The following KAT7 variants were observed in gnomAD, a reference collection of about 807,000 sequenced individuals.
KAT7 encodes the protein histone acetyltransferase KAT7.
A neutral mutation model predicts 82.1 loss-of-function variants in KAT7; 10 were observed. The ratio of observed to expected loss-of-function variants is 0.12; its 90% CI spans 0.08 to 0.21. KAT7 has a LOEUF of 0.21. Among genes scored for constraint, KAT7 ranks in the 10% least tolerant of loss-of-function variants. The probability of loss-of-function intolerance (pLI) is 1.00; values close to 1 mark genes in which losing one functional copy is unlikely to be tolerated. For synonymous variants in KAT7, 250 were observed against 262.5 expected (o/e 0.95, Z 0.46); for missense variants, 378 against 760.9 (o/e 0.50, Z 5.92).
At chr17:49,808,631 T>A (rs569823906) in intron 5 of KAT7, among the ~76,000 whole-genome samples, 1 of 151,826 alleles carries the variant, frequency 6.6e-6, no homozygotes. Context: ...TTTGTATTTT[T>A]AATAGAGACG....
intron 12 of KAT7, chr17:49,823,525 G>A (rs2074331529): frequency 4.5e-6 from 2 of 440,138 alleles, no homozygotes; most frequent in Non-Finnish European, 8.2e-6. Flanking sequence ...TACAGAGGAT[G>A]ATAAAGTAAG....
At chr17:49,798,659 C>A in intron 4 of KAT7, 101 bp downstream of exon 4, 1 of 1,259,184 alleles carries the variant, frequency 7.9e-7, no homozygotes, top group Non-Finnish European at 1.1e-6. Context: ...GCTTCTTAGG[C>A]TCTTCAGTGG....
chr17:49,821,325 A>G lies in KAT7; in HGVS notation c.1156-12A>G, dbSNP rs375868103. On this transcript the variant is annotated splice_polypyrimidine_tract_variant and intron_variant, in intron 9 of 14. Coordinates refer to ENST00000259021, the MANE Select transcript of KAT7 (RefSeq NM_007067.5). The stretch of plus-strand genomic sequence containing the variant: ...GCTTTGGTTCCCTGATGTGAATTTC[A>G]TTGTCTTGCAGGCCAAATGTGTGTG... The G allele has an allele frequency of 1.1e-5, 17 of 1,605,822 alleles. No individual in the cohort carries two copies. Among genetic ancestry groups the G allele is most frequent in the Non-Finnish European group, 1.4e-5 (16 of 1,174,252 alleles).
Position 49,834,615 on chromosome 17 carries a change from A to G in KAT7, c.*7113A>G, listed in dbSNP as rs1158824477. ...CTTACACATAACCTCAACGTGCAAC[A>G]GGATTAGTCTATTATTCCCTTTCTT... On this transcript the variant is annotated 3_prime_UTR_variant, in exon 15 of 15. Coordinates refer to ENST00000259021, the MANE Select transcript of KAT7 (RefSeq NM_007067.5). 1 of 152,266 alleles carries G rather than the reference A, an allele frequency of 6.6e-6. No homozygotes were observed. Among genetic ancestry groups the G allele is most frequent in the East Asian group, 1.9e-4 (1 of 5,206 alleles). The allele number at this position is 152,266 out of a possible 1,614,324, so 9.4% of individuals were successfully genotyped here.
intron 9 of KAT7, among the ~76,000 whole-genome samples, chr17:49,819,399 G>C (rs1420264917): frequency 6.6e-6 from 1 of 152,204 alleles, no homozygotes; most frequent in Non-Finnish European, 1.5e-5. Context: ...GTGGGGCACT[G>C]ATACAGATGG....
intron 12 of KAT7, 21 bp downstream of exon 12, chr17:49,823,316 A>G (rs751406307): frequency 3.9e-6 from 5 of 1,280,182 alleles, no homozygotes; most frequent in South Asian, 1.2e-5. Context: ...CTGCTAAGTC[A>G]TTAGTTCCAC....
At chr17:49,794,530 C>T (rs760423589) in intron 2 of KAT7, among the ~76,000 whole-genome samples, 2 of 152,326 alleles carry the variant, frequency 1.3e-5, no homozygotes, top group Non-Finnish European at 1.5e-5. Context: ...AAGTGATCTG[C>T]CCGCCTCGGC....
intron 5 of KAT7, 94 bp downstream of exon 5, chr17:49,805,539 G>C (rs1403405275): frequency 2.6e-6 from 2 of 766,446 alleles, no homozygotes; most frequent in Non-Finnish European, 4.4e-6. Flanking sequence ...TGGCCAACAA[G>C]ATGGGTAGGG....
chr17:49,823,586 G>A (rs758494588), intron 12 of KAT7: 19 of 285,614 alleles, frequency 6.7e-5, no homozygotes, highest in Admixed American at 4.9e-5. Flanking sequence ...ATACATGCAT[G>A]AGGCTTAAAA....
chr17:49,801,106 C>T (rs991675551), intron 4 of KAT7, among the ~76,000 whole-genome samples: 9 of 152,196 alleles, frequency 5.9e-5, no homozygotes, highest in Middle Eastern at 3.4e-3. Flanking sequence ...TATTTATGCC[C>T]AGGAGTTAAC....
intron 4 of KAT7, among the ~76,000 whole-genome samples, chr17:49,803,049 G>A (rs1019490694): frequency 6.6e-6 from 1 of 150,958 alleles, no homozygotes; most frequent in African/African-American, 2.4e-5. Context: ...TTGTATGTAT[G>A]GTATTTGATC....
At chr17:49,812,792 C>T (rs972634356) in intron 7 of KAT7, among the ~76,000 whole-genome samples, 17 of 151,960 alleles carry the variant, frequency 1.1e-4, no homozygotes, top group Admixed American at 9.2e-4. Flanking sequence ...TAACCTCTGC[C>T]TCCTGGGTTC....
At position 49,834,912 on chromosome 17, in the gene KAT7, G is replaced by GT. The variant is rs2074451286; in HGVS notation, c.*7410_*7411insT. On this transcript the variant is annotated 3_prime_UTR_variant, in exon 15 of 15. Transcript: ENST00000259021. ...CCAGCTACTCAGGAGGCTGAGGTAGGAGGATCACCTGAGCCCAGGAAGTCA... is the reference window on the plus strand; with the variant it reads ...CCAGCTACTCAGGAGGCTGAGGTAGGTAGGATCACCTGAGCCCAGGAAGTCA... The GT allele has an allele frequency of 6.6e-6, 1 of 152,350 alleles. No homozygotes were observed. The highest frequency in any genetic ancestry group is 1.5e-5 in the Non-Finnish European group (1 of 68,188). 9.4% of individuals were successfully genotyped at this position (152,350 alleles called of 1,614,324 possible).
chr17:49,809,346 T>G, intron 6 of KAT7, 138 bp downstream of exon 6: 2 of 643,112 alleles, frequency 3.1e-6, no homozygotes, highest in Non-Finnish European at 5.5e-6. Flanking sequence ...ATCATGTTTG[T>G]TTTTCAAACA....
intron 4 of KAT7, among the ~76,000 whole-genome samples, chr17:49,798,824 T>G (rs1394727918): frequency 6.6e-6 from 1 of 152,228 alleles, no homozygotes; most frequent in Non-Finnish European, 1.5e-5. Context: ...TTCCCTCATT[T>G]TCCTAGCAAA....
Position 49,827,519 on chromosome 17 carries a change from G to C in KAT7, c.*17G>C. On this transcript the variant is annotated 3_prime_UTR_variant, in exon 15 of 15. Coordinates refer to ENST00000259021, the MANE Select transcript of KAT7 (RefSeq NM_007067.5). ...GGCACTTAAAGTGACCTGTCATTCC[G>C]AGCCAGCGAACCCCAGCAGTAGGAA... 1 of 1,468,436 alleles carries C rather than the reference G, an allele frequency of 6.8e-7. No homozygotes were observed. Among genetic ancestry groups the C allele is most frequent in the Non-Finnish European group, 9.5e-7 (1 of 1,047,760 alleles). The allele number at this position is 1,468,436 out of a possible 1,614,324, so 91.0% of individuals were successfully genotyped here.
At chr17:49,799,798 G>A (rs1449787008) in intron 4 of KAT7, among the ~76,000 whole-genome samples, 1 of 151,496 alleles carries the variant, frequency 6.6e-6, no homozygotes, top group African/African-American at 2.4e-5. Context: ...AAGTAGCTGG[G>A]ACTACAGGCA....
intron 9 of KAT7, among the ~76,000 whole-genome samples, chr17:49,819,988 C>T (rs1344116493): frequency 1.3e-5 from 2 of 152,238 alleles, no homozygotes; most frequent in Admixed American, 1.3e-4. Flanking sequence ...GGTGCGGTGG[C>T]TCATACCTGT....
Position 49,796,594 on chromosome 17 carries a change from GC to G in KAT7, c.164-155del, listed in dbSNP as rs2073959365. Among the ~76,000 whole-genome samples the G allele has an allele frequency of 1.3e-5, 2 of 152,016 alleles. 1 individual carries two copies. Among genetic ancestry groups the G allele is most frequent in the South Asian group, 4.1e-4 (2 of 4,820 alleles). Reference sequence around the variant, plus strand: ...CTGTATACCTGAGCTAGGCTCTTTTGCTTATATTTTATTTAATTAAATAGAT... The same window carrying G: ...CTGTATACCTGAGCTAGGCTCTTTTGTTATATTTTATTTAATTAAATAGAT... On this transcript the variant is annotated intron_variant, in intron 2 of 14. Transcript: ENST00000259021.
Sources: allele counts gnomAD v4.1 joint callset (sites outside exome capture counted in the v4.1 genomes callset), GRCh38; gene constraint gnomAD v4.1.1; transcripts MANE v1.5; gene names NCBI Gene and HGNC (gene_info 2026-07-23, HGNC 2026-07-21).